The following ARHGAP35 variants were observed in gnomAD, a reference collection of about 807,000 sequenced individuals.
The protein encoded by ARHGAP35 is Rho GTPase activating protein 35, also known as rho GTPase-activating protein 35.
Under a neutral mutation model 111.1 loss-of-function variants are expected in ARHGAP35, and 15 were observed. That is an observed-to-expected ratio of 0.13 (90% confidence interval 0.09 to 0.21). The LOEUF (loss-of-function observed/expected upper bound fraction) is 0.21. Ranked by LOEUF, ARHGAP35 falls within the 10% of genes least tolerant of loss-of-function variation. The pLI is 1.00. For missense variants in ARHGAP35, 1,262 were observed against 1,873.0 expected (o/e 0.67, Z 6.02); for synonymous variants, 643 against 710.3 (o/e 0.91, Z 1.51).
At chr19:46,982,109 A>G (rs1324828212) in intron 3 of ARHGAP35, among the ~76,000 whole-genome samples, 1 of 151,734 alleles carries the variant, frequency 6.6e-6, no homozygotes, top group African/African-American at 2.4e-5. Flanking sequence ...TGGCCTCCCA[A>G]AGTGCTGGGA....
chr19:46,992,306 G>A lies in ARHGAP35; in HGVS notation c.4036+2631G>A, dbSNP rs2056683467. On this transcript the variant is annotated intron_variant, in intron 5 of 6. Transcript: ENST00000672722. This position sits in a 1 kb window ranked among gnomAD's most constrained non-coding sequence, Gnocchi z 4.4. The stretch of plus-strand genomic sequence containing the variant: ...ACACCGCTAGGGAGTGGCAAGCCGG[G>A]GCTTGAGTCCCTGCGTACGTGGGTG... Among the ~76,000 whole-genome samples the A allele has an allele frequency of 6.6e-6, 1 of 152,172 alleles. No individual in the cohort carries two copies. The highest frequency in any genetic ancestry group is 2.1e-4 in the South Asian group (1 of 4,832).
chr19:46,903,756 A>T (rs1215636988), intron 1 of ARHGAP35, among the ~76,000 whole-genome samples: 2 of 152,328 alleles, frequency 1.3e-5, no homozygotes, highest in African/African-American at 4.8e-5. Flanking sequence ...ACAAACTACT[A>T]TTTTGGTCTC....
chr19:46,997,251 T>C lies in ARHGAP35; in HGVS notation c.4037-2053T>C, dbSNP rs2056715843. On this transcript the variant is annotated intron_variant, in intron 5 of 6. Transcript: ENST00000672722. ...AGCTGCTCATAGCCCAATAACTAGC[T>C]CCCAGGACTTTTTTAGTCATTTCTG... Among the ~76,000 whole-genome samples, 6 of 152,272 alleles carry C rather than the reference T, an allele frequency of 3.9e-5. 1 individual carries two copies. The South Asian group carries it at 1.2e-3, about 32-fold the overall frequency.
At chr19:46,928,680 C>T (rs1244274917) in intron 2 of ARHGAP35, among the ~76,000 whole-genome samples, 1 of 151,872 alleles carries the variant, frequency 6.6e-6, no homozygotes, top group Non-Finnish European at 1.5e-5. Context: ...ACCTGTAATC[C>T]CAGCACTTTG....
Position 46,989,223 on chromosome 19 carries a change from T to G in ARHGAP35, c.3905-321T>G. 1 of 234,656 alleles carries G rather than the reference T, an allele frequency of 4.3e-6. No homozygotes were observed. Among genetic ancestry groups the G allele is most frequent in the Non-Finnish European group, 8.8e-6 (1 of 114,114 alleles). 14.5% of individuals were successfully genotyped at this position (234,656 alleles called of 1,614,324 possible). On this transcript the variant is annotated intron_variant, in intron 4 of 6. Transcript: ENST00000672722. The surrounding 1 kb of genome is among the most constrained non-coding windows in gnomAD (Gnocchi z 5.3). ...TCCTTCTTCTGTGATGGGAAGGGAG[T>G]AAGGAAGAGGCAACAGCATATCAAA... is the stretch of plus-strand genomic sequence containing the variant.
chr19:46,938,315 A>G (rs559253495), intron 3 of ARHGAP35, among the ~76,000 whole-genome samples: 64 of 152,282 alleles, frequency 4.2e-4, no homozygotes, highest in African/African-American at 1.5e-3. Context: ...AGGATGTTGT[A>G]AAGCAGGGAA....
In ARHGAP35 at chr19:47,000,551, G is replaced by A. The variant is rs200440170; in HGVS notation, c.4363G>A (p.Val1455Met). The A allele has an allele frequency of 7.4e-5, 119 of 1,612,396 alleles. No homozygotes were observed. The South Asian group carries it at 7.9e-4, about 11-fold the overall frequency. The change falls in exon 7 of 7, where the codon GTG (valine) becomes ATG (methionine). Residue 1455 changes from valine to methionine, a missense_variant. Transcript: ENST00000672722. This position sits in a 1 kb window ranked among gnomAD's most constrained non-coding sequence, Gnocchi z 6.9. ...PGARPSSPSA[V>M]ASTVPFLTST... ...CGCCAGGCCCAGCTCCCCCTCTGCC[G>A]TGGCTTCCACCGTCCCCTTCCTCAC...
At chr19:46,939,813 G>A (rs1048899235) in intron 3 of ARHGAP35, among the ~76,000 whole-genome samples, 1 of 152,018 alleles carries the variant, frequency 6.6e-6, no homozygotes, top group African/African-American at 2.4e-5. Flanking sequence ...CATTGATCTA[G>A]TACTAATCTG....
chr19:46,899,702 A>C (rs573082083), intron 1 of ARHGAP35, among the ~76,000 whole-genome samples: 45 of 151,988 alleles, frequency 3.0e-4, no homozygotes, highest in Admixed American at 2.6e-4. Context: ...CCTGTACAAA[A>C]AAAAACAAAA....
chr19:47,001,222 C>G lies in ARHGAP35; in HGVS notation c.*534C>G. ...CGTGTAGGCCACGGCTCTGCCACCA[C>G]TAGGTACCTGCTGAGGGCGCTGGCT... On this transcript the variant is annotated 3_prime_UTR_variant, in exon 7 of 7. Transcript: ENST00000672722. This position sits in a 1 kb window ranked among gnomAD's most constrained non-coding sequence, Gnocchi z 5.4. 5 of 1,279,152 alleles carry G rather than the reference C, an allele frequency of 3.9e-6. No individual in the cohort carries two copies. The highest frequency in any genetic ancestry group is 4.8e-5 in the Admixed American group (2 of 41,932). 79.2% of individuals were successfully genotyped at this position (1,279,152 alleles called of 1,614,324 possible).
intron 3 of ARHGAP35, among the ~76,000 whole-genome samples, chr19:46,941,270 C>G (rs2056345328): frequency 6.6e-6 from 1 of 152,142 alleles, no homozygotes; most frequent in South Asian, 2.1e-4. Flanking sequence ...CCTTATTCTT[C>G]AAGAGACTCC....
chr19:46,939,709 G>A (rs987628118), intron 3 of ARHGAP35, among the ~76,000 whole-genome samples: 8 of 151,894 alleles, frequency 5.3e-5, no homozygotes, highest in African/African-American at 1.7e-4. Flanking sequence ...CACCATGCCC[G>A]GCCTGCACCT....
chr19:46,915,499 C>T (rs34460990), intron 1 of ARHGAP35, among the ~76,000 whole-genome samples: 1,652 of 152,250 alleles, frequency 0.011, 11 homozygotes, highest in Middle Eastern at 0.024. Flanking sequence ...GTTATCATCA[C>T]AGGGGACAAT....
chr19:46,978,588 G>GGATT (rs2056593461), intron 3 of ARHGAP35, among the ~76,000 whole-genome samples: 1 of 129,562 alleles, frequency 7.7e-6, no homozygotes, highest in African/African-American at 2.7e-5. Flanking sequence ...GTGTGGTGGG[G>GGATT]CGTGTGGGGG....
At chr19:46,905,969 CCACCGT>C (rs1418786397) in intron 1 of ARHGAP35, among the ~76,000 whole-genome samples, 7 of 151,932 alleles carry the variant, frequency 4.6e-5, no homozygotes, top group Admixed American at 1.3e-4. Flanking sequence ...CAGGCGTGAG[CCACCGT>C]GCCTGGCCAC....
chr19:46,928,181 A>T (rs2122211178), intron 2 of ARHGAP35, among the ~76,000 whole-genome samples: 1 of 152,294 alleles, frequency 6.6e-6, no homozygotes, highest in South Asian at 2.1e-4. Context: ...TGGTGATAAA[A>T]ATAGACTATC....
intron 1 of ARHGAP35, among the ~76,000 whole-genome samples, chr19:46,899,402 C>A (rs566280105): frequency 2.0e-5 from 3 of 152,210 alleles, no homozygotes; most frequent in Non-Finnish European, 4.4e-5. Context: ...AGCTGTCTTA[C>A]AATTAACCCA....
At chr19:46,884,340 C>T (rs896593107) in intron 1 of ARHGAP35, among the ~76,000 whole-genome samples, 2 of 151,976 alleles carry the variant, frequency 1.3e-5, no homozygotes, top group Admixed American at 6.6e-5. Flanking sequence ...TAAAGGATAT[C>T]CCTTCCCAAG....
intron 1 of ARHGAP35, among the ~76,000 whole-genome samples, chr19:46,904,308 G>T (rs1041569577): frequency 6.6e-6 from 1 of 152,224 alleles, no homozygotes; most frequent in African/African-American, 2.4e-5. Flanking sequence ...AGAGACAGCA[G>T]ATCATGTTCA....
Sources: gnomAD v4.1 joint callset for allele counts (sites outside exome capture counted in the v4.1 genomes callset) on GRCh38, gnomAD v4.1.1 for gene constraint, Gnocchi (gnomAD v3.1) non-coding constraint, MANE v1.5 for transcripts, NCBI Gene and HGNC (gene_info 2026-07-23, HGNC 2026-07-21) for gene names.